The following LAMA2 variants were observed in gnomAD, a reference collection of about 807,000 sequenced individuals.
LAMA2 encodes laminin subunit alpha 2.
A neutral mutation model predicts 364.8 loss-of-function variants in LAMA2; 269 were observed. The observed-to-expected ratio is 0.74, with a 90% CI of 0.67 to 0.82. LAMA2 has a LOEUF of 0.82. Ranked by LOEUF, LAMA2 falls within the 40% of genes least tolerant of loss-of-function variation. LAMA2 has a pLI of 0.00. For missense variants in LAMA2, 3,807 were observed against 3,873.2 expected, an observed-to-expected ratio of 0.98 and a Z score of 0.45; for synonymous variants, 1,379 against 1,370.6, an observed-to-expected ratio of 1.01 and a Z score of -0.14.
intron 61 of LAMA2, among the ~76,000 whole-genome samples, chr6:129,506,620 T>C (rs890209453): frequency 1.3e-5 from 2 of 152,122 alleles, no homozygotes; most frequent in Non-Finnish European, 2.9e-5. Context: ...TGGAAAGTGT[T>C]ACTCTGAGAG....
chr6:129,375,437 C>A (rs1020191425), intron 34 of LAMA2, among the ~76,000 whole-genome samples: 11 of 152,284 alleles, frequency 7.2e-5, no homozygotes, highest in African/African-American at 2.6e-4. Flanking sequence ...TCCACTGCTG[C>A]CTGGATTTTC....
At chr6:129,276,562 A>G (rs541517984) in intron 17 of LAMA2, among the ~76,000 whole-genome samples, 1 of 152,238 alleles carries the variant, frequency 6.6e-6, no homozygotes, top group South Asian at 2.1e-4. Flanking sequence ...GGACCCACAG[A>G]AGAAGTTTCC....
At chr6:129,505,477 C>A in intron 61 of LAMA2, 122 bp downstream of exon 61, 1 of 761,408 alleles carries the variant, frequency 1.3e-6, no homozygotes, top group Non-Finnish European at 2.3e-6. Flanking sequence ...GTCATCTTTT[C>A]TGATAAGGGA....
At chr6:129,509,128 C>T (rs887972593) in intron 62 of LAMA2, among the ~76,000 whole-genome samples, 4 of 152,092 alleles carry the variant, frequency 2.6e-5, no homozygotes, top group Non-Finnish European at 4.4e-5. Context: ...TTTTGATATA[C>T]CTGTTTTTCA....
chr6:129,496,672 A>G (rs1785217994), intron 58 of LAMA2, among the ~76,000 whole-genome samples: 2 of 152,180 alleles, frequency 1.3e-5, no homozygotes, highest in Non-Finnish European at 2.9e-5. Flanking sequence ...AAAGGTTACT[A>G]AAAGTTAAAA....
intron 17 of LAMA2, among the ~76,000 whole-genome samples, chr6:129,272,703 G>A (rs373599490): frequency 6.6e-6 from 1 of 152,164 alleles, no homozygotes; most frequent in Non-Finnish European, 1.5e-5. Context: ...TAGCCTGTTA[G>A]GAACCGGGCT....
At position 129,440,998 on chromosome 6, in the gene LAMA2, A is replaced by G. The variant is rs762370685; in HGVS notation, c.6268A>G (p.Lys2090Glu). The change falls in exon 43 of 65, where the codon AAA becomes GAA. Residue 2090 changes from lysine to glutamate, a missense_variant and splice_region_variant. Lys to Glu is a moderately conservative substitution (Grantham distance 56, BLOSUM62 1). Around this residue, in one of 3 missense-constraint regions of LAMA2, gnomAD observed 3,333 missense variants for 3,345.7 expected, o/e 1.00. Transcript: ENST00000421865. ...NAVVKDPSKN[K>E]IIADADATVK... Reference sequence around the variant, plus strand: ...TGTGGTTAAAGATCCTTCCAAGAACAGTAAGATCTCCTTTTTCATTGTGAT... The same window carrying G: ...TGTGGTTAAAGATCCTTCCAAGAACGGTAAGATCTCCTTTTTCATTGTGAT... The G allele has an allele frequency of 3.7e-6, 6 of 1,611,200 alleles. No individual in the cohort carries two copies. Among genetic ancestry groups the G allele is most frequent in the Non-Finnish European group, 5.1e-6 (6 of 1,177,512 alleles).
chr6:129,355,092 GT>G (rs79219315), intron 32 of LAMA2, among the ~76,000 whole-genome samples: 15,106 of 152,152 alleles, frequency 0.099, 1,196 homozygotes, highest in African/African-American at 0.22. Context: ...AAGAATAGCA[GT>G]TTTTATTCCA....
chr6:128,953,465 A>T (rs1780959524), intron 1 of LAMA2, among the ~76,000 whole-genome samples: 1 of 151,982 alleles, frequency 6.6e-6, no homozygotes, highest in Admixed American at 6.6e-5. Flanking sequence ...TGTCTCCTGG[A>T]TTCTATAATA....
At position 129,460,260 on chromosome 6, in the gene LAMA2, A is replaced by G; in HGVS notation, c.6928A>G (p.Asn2310Asp). ...CTGCATGGGAGAAACATACTTTGAC[A>G]ACAAACCTATAGGTTTGTGGAATTT... Reference protein sequence around the residue: ...TGCMGETYFDNKPIGLWNFRE... With the variant: ...TGCMGETYFDDKPIGLWNFRE... The change falls in exon 49 of 65, where the codon AAC becomes GAC. Residue 2310 changes from asparagine (N) to aspartate (D), a missense_variant. Asn to Asp is a conservative substitution (Grantham distance 23). This residue lies in a region of LAMA2 where 3,333 missense variants were observed against 3,345.7 expected (regional missense o/e 1.00). Transcript: ENST00000421865. 6.2e-7 allele frequency: 1 copy of G among 1,611,040 alleles called. No homozygotes were observed. Among genetic ancestry groups the G allele is most frequent in the South Asian group, 1.1e-5 (1 of 91,028 alleles).
At chr6:129,133,057 T>C (rs1777582406) in intron 4 of LAMA2, among the ~76,000 whole-genome samples, 1 of 152,128 alleles carries the variant, frequency 6.6e-6, no homozygotes, top group East Asian at 1.9e-4. Flanking sequence ...CACATGGGGA[T>C]AGACAATATT....
intron 63 of LAMA2, 43 bp downstream of exon 63, chr6:129,512,536 T>C: frequency 1.2e-6 from 2 of 1,606,498 alleles, no homozygotes; most frequent in Non-Finnish European, 1.7e-6. Context: ...CTTCATGATA[T>C]TGTTGATGTG....
intron 10 of LAMA2, among the ~76,000 whole-genome samples, chr6:129,189,425 A>G (rs1042203847): frequency 6.6e-5 from 10 of 152,058 alleles, no homozygotes; most frequent in Non-Finnish European, 1.5e-4. Context: ...TTTTCATTAT[A>G]TGGTCAGCTT....
At chr6:129,442,967 C>A in intron 43 of LAMA2, 96 bp from the exon 44 acceptor site, 1 of 868,444 alleles carries the variant, frequency 1.2e-6, no homozygotes, top group Non-Finnish European at 1.8e-6. Context: ...ATGAAAAATA[C>A]CATTTTTAGT....
chr6:129,444,055 C>T (rs1166893317), intron 44 of LAMA2, among the ~76,000 whole-genome samples: 1 of 151,940 alleles, frequency 6.6e-6, no homozygotes. Flanking sequence ...AAGTGATTGT[C>T]AAGTTTCATC....
rs375507168 is a variant in LAMA2 at position 129,303,217 on chromosome 6, G to A, written c.3174+2345G>A. ...TTCATATTTTTTATCAAAAGCAAATGCTGTGTTCCATTTCAGTTTTAAATT... is the reference window on the plus strand; with the variant it reads ...TTCATATTTTTTATCAAAAGCAAATACTGTGTTCCATTTCAGTTTTAAATT... On this transcript the variant is annotated intron_variant, in intron 22 of 64. Transcript: ENST00000421865. 1.8e-4 allele frequency among the ~76,000 whole-genome samples: 27 copies of A among 152,226 alleles called. No individual in the cohort carries two copies. The South Asian group carries it at 4.8e-3, about 27-fold the overall frequency.
chr6:129,379,624 C>T (rs1778568091), intron 34 of LAMA2, among the ~76,000 whole-genome samples: 1 of 152,048 alleles, frequency 6.6e-6, no homozygotes, highest in Non-Finnish European at 1.5e-5. Context: ...TCTTCCTGCC[C>T]CCTACTGCCA....
chr6:128,944,638 GA>G (rs77605926), intron 1 of LAMA2, among the ~76,000 whole-genome samples: 2,377 of 96,684 alleles, frequency 0.025, 50 homozygotes, highest in African/African-American at 0.07. Flanking sequence ...GCTAAAAGTA[GA>G]AAAAAAAAAA....
At chr6:129,203,825 C>T (rs1435421759) in intron 12 of LAMA2, among the ~76,000 whole-genome samples, 1 of 152,072 alleles carries the variant, frequency 6.6e-6, no homozygotes, top group Non-Finnish European at 1.5e-5. Flanking sequence ...TGGACATATC[C>T]CTTAATCTAG....
Sources: gnomAD v4.1 joint callset for allele counts (sites outside exome capture counted in the v4.1 genomes callset) on GRCh38, gnomAD v4.1.1 for gene constraint, gnomAD v4.1.1 regional missense constraint, MANE v1.5 for transcripts, NCBI Gene and HGNC (gene_info 2026-07-23, HGNC 2026-07-21) for gene names.